SLMAP: variants seen among roughly 807,000 people sequenced by gnomAD.
The protein encoded by SLMAP is sarcolemma associated protein.
In SLMAP, 44 loss-of-function variants were observed where a neutral mutation model predicts 128.8. The ratio of observed to expected loss-of-function variants is 0.34; its 90% CI spans 0.27 to 0.44. The LOEUF (loss-of-function observed/expected upper bound fraction) is 0.44. Among genes scored for constraint, SLMAP ranks in the 20% least tolerant of loss-of-function variants. SLMAP has a pLI of 1.00. For missense variants in SLMAP, 787 were observed against 985.3 expected, an observed-to-expected ratio of 0.80 and a Z score of 2.69; for synonymous variants, 327 against 348.8, an observed-to-expected ratio of 0.94 and a Z score of 0.70.
chr3:57,771,934 G>C (rs945043761), intron 2 of SLMAP, among the ~76,000 whole-genome samples: 1 of 152,202 alleles, frequency 6.6e-6, no homozygotes, highest in Non-Finnish European at 1.5e-5. Context: ...TGAAATTAAA[G>C]AAGTTGGGTA....
rs1413381804 is a variant in SLMAP at position 57,929,583 on chromosome 3, G to T, written c.*2294G>T. Among the ~76,000 whole-genome samples, 1 of 152,102 alleles carries T rather than the reference G, an allele frequency of 6.6e-6. No homozygotes were observed. Among genetic ancestry groups the T allele is most frequent in the South Asian group, 2.1e-4 (1 of 4,828 alleles). ...AAATAAAGAATAGGATTATTCACTGGTAATAATAGAGTCATTAAGAAATAT... is the reference window on the plus strand; with the variant it reads ...AAATAAAGAATAGGATTATTCACTGTTAATAATAGAGTCATTAAGAAATAT... On this transcript the variant is annotated 3_prime_UTR_variant, in exon 25 of 25. Coordinates refer to ENST00000671191, the MANE Select transcript of SLMAP (RefSeq NM_001377540.1).
intron 3 of SLMAP, among the ~76,000 whole-genome samples, chr3:57,839,085 C>T (rs1398704470): frequency 6.6e-6 from 1 of 151,910 alleles, no homozygotes; most frequent in Non-Finnish European, 1.5e-5. Flanking sequence ...TCCTGAGTAG[C>T]TGGGTACAGG....
chr3:57,763,495 G>C (rs1351276833), intron 2 of SLMAP, among the ~76,000 whole-genome samples: 2 of 151,872 alleles, frequency 1.3e-5, no homozygotes, highest in African/African-American at 4.8e-5. Context: ...AGCTGGTCTC[G>C]AACTCCTGAG....
chr3:57,863,909 A>T (rs911771420), intron 10 of SLMAP, among the ~76,000 whole-genome samples: 1 of 152,240 alleles, frequency 6.6e-6, no homozygotes, highest in Non-Finnish European at 1.5e-5. Flanking sequence ...GAACTTCAAA[A>T]TTGAAATGAT....
intron 6 of SLMAP, among the ~76,000 whole-genome samples, chr3:57,857,089 G>C (rs1363457699): frequency 2.0e-5 from 3 of 152,054 alleles, no homozygotes; most frequent in Non-Finnish European, 4.4e-5. Flanking sequence ...TGAAACATTT[G>C]TTAGCTTTTT....
At chr3:57,819,388 G>A (rs1325255192) in intron 2 of SLMAP, among the ~76,000 whole-genome samples, 1 of 152,132 alleles carries the variant, frequency 6.6e-6, no homozygotes, top group Non-Finnish European at 1.5e-5. Flanking sequence ...TAAAAGCTAT[G>A]AATGTTCTTT....
At chr3:57,822,602 T>C (rs1293248764) in intron 2 of SLMAP, among the ~76,000 whole-genome samples, 1 of 152,174 alleles carries the variant, frequency 6.6e-6, no homozygotes, top group Non-Finnish European at 1.5e-5. Flanking sequence ...GTAGCTACCA[T>C]CTCCCATCCC....
Position 57,896,586 on chromosome 3 carries a change from C to T in SLMAP, c.1436C>T (p.Thr479Ile). ...AGCAAGGAAAAAAGCAGTGACGACA[C>T]TACAGGTGAGTTTTAACCTAATGTT... is the stretch of plus-strand genomic sequence containing the variant. Reference protein sequence around the residue: ...SPSKEKSSDDTTDAQMDEQDL... With the variant: ...SPSKEKSSDDITDAQMDEQDL... The change falls in exon 16 of 25, where the codon ACT (threonine) becomes ATT (isoleucine). Residue 479 changes from threonine to isoleucine, a missense_variant. By Grantham distance (89) the Thr-to-Ile change is moderately conservative. Coordinates refer to ENST00000671191, the MANE Select transcript of SLMAP (RefSeq NM_001377540.1). 1.2e-6 allele frequency: 2 copies of T among 1,607,094 alleles called. No individual in the cohort carries two copies. The highest frequency in any genetic ancestry group is 1.7e-6 in the Non-Finnish European group (2 of 1,176,530).
intron 8 of SLMAP, among the ~76,000 whole-genome samples, chr3:57,860,404 G>T (rs2094991930): frequency 6.6e-6 from 1 of 152,084 alleles, no homozygotes; most frequent in Non-Finnish European, 1.5e-5. Flanking sequence ...GAATATGGTG[G>T]CTTGCAGAAA....
intron 2 of SLMAP, among the ~76,000 whole-genome samples, chr3:57,794,237 C>T (rs574814982): frequency 7.9e-5 from 12 of 152,118 alleles, no homozygotes; most frequent in African/African-American, 2.2e-4. Flanking sequence ...TCTGTTCGTA[C>T]GCTATACTCT....
At chr3:57,847,719 T>C (rs574521743) in intron 5 of SLMAP, among the ~76,000 whole-genome samples, 1 of 152,230 alleles carries the variant, frequency 6.6e-6, no homozygotes, top group African/African-American at 2.4e-5. Flanking sequence ...CATTTTTCTT[T>C]TGTTCAGAAA....
intron 17 of SLMAP, chr3:57,900,654 A>G (rs771791622): frequency 6.6e-6 from 1 of 152,634 alleles, no homozygotes; most frequent in Non-Finnish European, 1.5e-5. Context: ...CATCTCTACA[A>G]AAATTAGCCA....
intron 2 of SLMAP, among the ~76,000 whole-genome samples, chr3:57,775,596 A>G (rs566811684): frequency 8.6e-5 from 13 of 150,852 alleles, no homozygotes; most frequent in Non-Finnish European, 1.8e-4. Flanking sequence ...GGCTGAGTGC[A>G]GAAGATAGCT....
At chr3:57,780,078 A>G (rs2082709773) in intron 2 of SLMAP, among the ~76,000 whole-genome samples, 1 of 152,056 alleles carries the variant, frequency 6.6e-6, no homozygotes, top group South Asian at 2.1e-4. Context: ...CTATATTTAC[A>G]TTCTAAATGG....
In SLMAP at chr3:57,880,771, C is replaced by T. The variant is rs2095715940; in HGVS notation, c.1300+9073C>T. ...ATGGTGGCACATGCTTGTAGTCATA[C>T]CTGCCCGGGAGGCTGAGGTGGGAGG... On this transcript the variant is annotated intron_variant, in intron 14 of 24. Coordinates refer to ENST00000671191, the MANE Select transcript of SLMAP (RefSeq NM_001377540.1). Among the ~76,000 whole-genome samples the T allele has an allele frequency of 2.6e-5, 4 of 151,420 alleles. 1 individual carries two copies. The South Asian group carries it at 8.3e-4, about 32-fold the overall frequency.
chr3:57,905,258 C>G (rs1237161097), intron 17 of SLMAP, among the ~76,000 whole-genome samples: 1 of 151,840 alleles, frequency 6.6e-6, no homozygotes, highest in African/African-American at 2.4e-5. Context: ...GAGTTCATAC[C>G]CTACACCAGA....
At chr3:57,905,454 G>A (rs143722144) in intron 17 of SLMAP, among the ~76,000 whole-genome samples, 40 of 151,998 alleles carry the variant, frequency 2.6e-4, no homozygotes, top group African/African-American at 7.5e-4. Context: ...GTTAATTTTC[G>A]TATTTTTAGT....
At chr3:57,922,754 T>C in intron 22 of SLMAP, 135 bp from the exon 23 acceptor site, 1 of 778,484 alleles carries the variant, frequency 1.3e-6, no homozygotes. Flanking sequence ...TGCAAGTTAT[T>C]CCTCCTTAAA....
chr3:57,916,691 G>C (rs962737798), intron 21 of SLMAP, among the ~76,000 whole-genome samples: 1 of 152,048 alleles, frequency 6.6e-6, no homozygotes, highest in Non-Finnish European at 1.5e-5. Flanking sequence ...TTCAACCTTT[G>C]TGTATATTTG....
Sources: gnomAD v4.1 joint callset for allele counts (sites outside exome capture counted in the v4.1 genomes callset) on GRCh38, gnomAD v4.1.1 for gene constraint, MANE v1.5 for transcripts, NCBI Gene and HGNC (gene_info 2026-07-23, HGNC 2026-07-21) for gene names.